The following ANO10 variants were observed in gnomAD, a reference collection of about 807,000 sequenced individuals.
ANO10 encodes the protein anoctamin 10.
A neutral mutation model predicts 74.7 loss-of-function variants in ANO10; 77 were observed. The observed-to-expected ratio is 1.03, with a 90% confidence interval of 0.86 to 1.25. ANO10 has a LOEUF of 1.25. Among genes scored for constraint, ANO10 ranks in the 50% most tolerant of loss-of-function variants. ANO10 has a pLI of 0.00. For missense variants in ANO10, 721 were observed against 778.1 expected (o/e 0.93, Z 0.87); for synonymous variants, 279 against 284.9 (o/e 0.98, Z 0.21).
chr3:43,489,402 G>T (rs2076630972), intron 11 of ANO10, among the ~76,000 whole-genome samples: 1 of 152,068 alleles, frequency 6.6e-6, no homozygotes, highest in African/African-American at 2.4e-5. Flanking sequence ...ACCTTAAGGT[G>T]GTATATAAGC....
chr3:43,372,593 T>C (rs1333259485), intron 12 of ANO10: 5 of 483,374 alleles, frequency 1.0e-5, no homozygotes, highest in Non-Finnish European at 1.9e-5. Flanking sequence ...TCAGCCTGTC[T>C]CCTCCTCATC....
chr3:43,375,156 A>AT (rs939780411), intron 12 of ANO10, among the ~76,000 whole-genome samples: 62 of 147,710 alleles, frequency 4.2e-4, no homozygotes, highest in African/African-American at 1.3e-4. Context: ...TTTAAGAATC[A>AT]TTTTTTTGGG....
chr3:43,593,918 C>T (rs967998258), intron 4 of ANO10, among the ~76,000 whole-genome samples: 1 of 152,130 alleles, frequency 6.6e-6, no homozygotes. Flanking sequence ...GGAGGAGGAT[C>T]TACCAAGCAA....
chr3:43,470,596 T>TTTTTTTTATTTA (rs1237061155), intron 11 of ANO10, among the ~76,000 whole-genome samples: 47 of 143,960 alleles, frequency 3.3e-4, no homozygotes, highest in African/African-American at 8.1e-4. Flanking sequence ...CTGGTAATTA[T>TTTTTTTTATTTA]TTTATTTATT....
At chr3:43,680,509 C>T (rs1259361657) in intron 1 of ANO10, among the ~76,000 whole-genome samples, 1 of 152,176 alleles carries the variant, frequency 6.6e-6, no homozygotes, top group Non-Finnish European at 1.5e-5. Flanking sequence ...AAACACTCGG[C>T]AGGATATTAT....
At chr3:43,546,504 T>C (rs2079196152) in intron 11 of ANO10, among the ~76,000 whole-genome samples, 2 of 152,024 alleles carry the variant, frequency 1.3e-5, no homozygotes, top group African/African-American at 2.4e-5. Context: ...TCAACAAGGG[T>C]GCCAAGACCA....
chr3:43,417,054 G>C (rs942723665), intron 12 of ANO10, among the ~76,000 whole-genome samples: 4 of 152,154 alleles, frequency 2.6e-5, no homozygotes, highest in Non-Finnish European at 5.9e-5. Context: ...AGTGATACAG[G>C]AGTTAAGAAG....
chr3:43,555,665 T>C (rs1369898176), intron 9 of ANO10, among the ~76,000 whole-genome samples, 196 bp from the exon 10 acceptor site: 3 of 152,178 alleles, frequency 2.0e-5, no homozygotes, highest in Non-Finnish European at 4.4e-5. Context: ...ATAATTTCAG[T>C]TTAAGAAAAG....
rs369463157 is a variant in ANO10, at chr3:43,565,182, T to C, written c.1293+471A>G. Among the ~76,000 whole-genome samples the C allele has an allele frequency of 1.8e-4, 27 of 152,348 alleles. No homozygotes were observed. The South Asian group carries it at 5.4e-3, about 30-fold the overall frequency. ...CTTAATTTATTATTCATTGGTATTATGTGATCCAGAAATGACAACACACCA... is the reference window on the plus strand; with the variant it reads ...CTTAATTTATTATTCATTGGTATTACGTGATCCAGAAATGACAACACACCA... On this transcript the variant is annotated intron_variant, in intron 8 of 12. Coordinates refer to ENST00000292246, the MANE Select transcript of ANO10 (RefSeq NM_018075.5).
intron 1 of ANO10, among the ~76,000 whole-genome samples, chr3:43,673,849 C>T (rs2084089248): frequency 6.6e-6 from 1 of 152,088 alleles, no homozygotes; most frequent in African/African-American, 2.4e-5. Context: ...TTCCTCTGGG[C>T]TCTTCCTTTA....
chr3:43,370,480 G>A (rs1420550968), intron 12 of ANO10, among the ~76,000 whole-genome samples: 2 of 151,380 alleles, frequency 1.3e-5, no homozygotes, highest in Non-Finnish European at 2.9e-5. Flanking sequence ...GGGCTGGGAC[G>A]GTGCCTAGGC....
chr3:43,644,104 G>A (rs1336493821), intron 1 of ANO10, among the ~76,000 whole-genome samples: 1 of 152,022 alleles, frequency 6.6e-6, no homozygotes, highest in Non-Finnish European at 1.5e-5. Flanking sequence ...TTGTTTGTTT[G>A]TTTGTTTTTG....
intron 4 of ANO10, among the ~76,000 whole-genome samples, chr3:43,594,667 T>C (rs987276425): frequency 1.1e-4 from 17 of 152,066 alleles, no homozygotes; most frequent in African/African-American, 4.1e-4. Flanking sequence ...CAGGAAAAGA[T>C]CTAAAATTGA....
At chr3:43,648,361 A>G (rs2149566997) in intron 1 of ANO10, among the ~76,000 whole-genome samples, 1 of 152,266 alleles carries the variant, frequency 6.6e-6, no homozygotes, top group East Asian at 1.9e-4. Flanking sequence ...TCTTGCCAAG[A>G]AAGAGTTCAG....
chr3:43,462,847 A>G (rs371666618), intron 11 of ANO10, among the ~76,000 whole-genome samples: 6 of 152,280 alleles, frequency 3.9e-5, no homozygotes, highest in African/African-American at 1.4e-4. Context: ...CAGCCACTCC[A>G]GCCGTGGCTG....
chr3:43,454,027 G>A (rs2075012671), intron 11 of ANO10, among the ~76,000 whole-genome samples: 1 of 152,182 alleles, frequency 6.6e-6, no homozygotes, highest in Admixed American at 6.5e-5. Context: ...ACAAAGAAGA[G>A]GAAGTTTTGG....
upstream of ANO10, among the ~76,000 whole-genome samples, chr3:43,622,438 C>T (rs563451661): frequency 2.6e-5 from 4 of 152,308 alleles, no homozygotes; most frequent in African/African-American, 9.6e-5. Flanking sequence ...GAATACGCCC[C>T]TTCACATTTC....
intron 12 of ANO10, among the ~76,000 whole-genome samples, chr3:43,367,729 C>T (rs904108527): frequency 6.6e-6 from 1 of 152,130 alleles, no homozygotes; most frequent in Non-Finnish European, 1.5e-5. Flanking sequence ...CCCTGAAGCT[C>T]CCAGTCACTT....
intron 1 of ANO10, among the ~76,000 whole-genome samples, chr3:43,679,664 G>A (rs1178376635): frequency 6.6e-6 from 1 of 152,184 alleles, no homozygotes; most frequent in Non-Finnish European, 1.5e-5. Context: ...CCTGACCCTC[G>A]AGTAGCCTAA....
Sources: allele counts gnomAD v4.1 joint callset (sites outside exome capture counted in the v4.1 genomes callset), GRCh38; gene constraint gnomAD v4.1.1; transcripts MANE v1.5; gene names NCBI Gene and HGNC (gene_info 2026-07-23, HGNC 2026-07-21).